ADAMTS6: variants seen among roughly 807,000 people sequenced by gnomAD.
ADAMTS6 encodes A disintegrin and metalloproteinase with thrombospondin motifs 6.
A neutral mutation model predicts 144.3 loss-of-function variants in ADAMTS6; 23 were observed. That is an observed-to-expected ratio of 0.16 (90% CI 0.11 to 0.23). The LOEUF (loss-of-function observed/expected upper bound fraction) is 0.23, where lower values mean the gene tolerates loss of function less well. Among genes scored for constraint, ADAMTS6 ranks in the 10% least tolerant of loss-of-function variants. ADAMTS6 has a pLI of 1.00. For synonymous variants in ADAMTS6, 444 were observed against 457.5 expected, an observed-to-expected ratio of 0.97 and a Z score of 0.38; for missense variants, 999 against 1,379.6, an observed-to-expected ratio of 0.72 and a Z score of 4.37.
At chr5:65,298,481 G>T (rs1344344179) in intron 10 of ADAMTS6, among the ~76,000 whole-genome samples, 1 of 152,016 alleles carries the variant, frequency 6.6e-6, no homozygotes, top group Non-Finnish European at 1.5e-5. Flanking sequence ...AGGGAGAGCG[G>T]ATCTTCAAAA....
intron 9 of ADAMTS6, among the ~76,000 whole-genome samples, chr5:65,316,811 T>C (rs955268346): frequency 6.6e-6 from 1 of 152,036 alleles, no homozygotes; most frequent in African/African-American, 2.4e-5. Flanking sequence ...AATAATCATT[T>C]TTTTTTTTGA....
chr5:65,319,265 A>G (rs1168640022), intron 9 of ADAMTS6, among the ~76,000 whole-genome samples: 1 of 152,180 alleles, frequency 6.6e-6, no homozygotes, highest in African/African-American at 2.4e-5. Context: ...TTTATGAAAG[A>G]AGAGATGTCC....
intron 7 of ADAMTS6, among the ~76,000 whole-genome samples, chr5:65,408,314 C>A (rs1754748348): frequency 1.3e-5 from 2 of 151,890 alleles, no homozygotes; most frequent in South Asian, 4.1e-4. Context: ...ATCTACCAAG[C>A]AAATGGAAAA....
chr5:65,253,991 C>T (rs1026007207), intron 14 of ADAMTS6, among the ~76,000 whole-genome samples: 10 of 151,576 alleles, frequency 6.6e-5, no homozygotes, highest in Admixed American at 2.0e-4. Flanking sequence ...ACTACAGGCA[C>T]GCACCACCAT....
intron 7 of ADAMTS6, among the ~76,000 whole-genome samples, chr5:65,399,604 C>G (rs572788320): frequency 6.6e-6 from 1 of 152,140 alleles, no homozygotes; most frequent in East Asian, 1.9e-4. Context: ...TCAAATAAAA[C>G]TATACTGCTT....
At chr5:65,449,889 G>A (rs1758600528) in intron 7 of ADAMTS6, among the ~76,000 whole-genome samples, 1 of 152,086 alleles carries the variant, frequency 6.6e-6, no homozygotes, top group Admixed American at 6.5e-5. Flanking sequence ...GAGGCAAAAG[G>A]TAAAAATCCA....
chr5:65,407,514 G>A (rs1272408879), intron 7 of ADAMTS6, among the ~76,000 whole-genome samples: 1 of 109,260 alleles, frequency 9.2e-6, no homozygotes, highest in Non-Finnish European at 1.7e-5. Flanking sequence ...ACAGTCCCCG[G>A]TGTGTGATGT....
chr5:65,371,725 A>C (rs57379636), intron 7 of ADAMTS6, among the ~76,000 whole-genome samples: 18,224 of 151,978 alleles, frequency 0.12, 1,215 homozygotes, highest in African/African-American at 0.18. Context: ...GAACTTCCCC[A>C]ATCTAGCAAG....
chr5:65,325,859 A>T lies in ADAMTS6; in HGVS notation c.1223+3519T>A, dbSNP rs112033314. ...AAAGTTCACTCAATCATGATTAATA[A>T]ATGAGTTAAGCCACACCTAAACAAT... On this transcript the variant is annotated intron_variant, in intron 9 of 24. Transcript: ENST00000381055. 3.6e-3 allele frequency among the ~76,000 whole-genome samples: 545 copies of T among 152,258 alleles called. 3 individuals carry two copies. The highest frequency in any genetic ancestry group is 0.014 in the Middle Eastern group (4 of 294).
chr5:65,349,956 T>C (rs1008420318), intron 7 of ADAMTS6, among the ~76,000 whole-genome samples: 4 of 152,186 alleles, frequency 2.6e-5, no homozygotes, highest in Non-Finnish European at 5.9e-5. Flanking sequence ...TAACTTTAAT[T>C]ACATTACTTC....
At chr5:65,164,273 C>T (rs1468132036) in intron 24 of ADAMTS6, among the ~76,000 whole-genome samples, 7 of 151,842 alleles carry the variant, frequency 4.6e-5, no homozygotes, top group East Asian at 1.9e-4. Context: ...GGGTGATGGA[C>T]GCAGCTGGAA....
At position 65,157,776 on chromosome 5, in the gene ADAMTS6, C is replaced by T. The variant is rs1033001329; in HGVS notation, c.3245-5831G>A. ...GGAATGTGAACTCAGTGTACTTCTC[C>T]TAATAAAGTTGTACTTGACCCCTTG... is the stretch of plus-strand genomic sequence containing the variant. On this transcript the variant is annotated intron_variant, in intron 24 of 24. Transcript: ENST00000381055. 1.3e-4 allele frequency among the ~76,000 whole-genome samples: 20 copies of T among 152,272 alleles called. No individual in the cohort carries two copies. In the East Asian group the frequency reaches 2.9e-3, roughly 22 times the overall value.
At chr5:65,257,290 C>T (rs145115822) in intron 14 of ADAMTS6, among the ~76,000 whole-genome samples, 1 of 152,230 alleles carries the variant, frequency 6.6e-6, no homozygotes, top group Non-Finnish European at 1.5e-5. Flanking sequence ...TAGGCACACA[C>T]TCCCATGGCC....
chr5:65,384,334 G>A (rs945814648), intron 7 of ADAMTS6, among the ~76,000 whole-genome samples: 3 of 152,114 alleles, frequency 2.0e-5, no homozygotes, highest in Non-Finnish European at 2.9e-5. Context: ...ACTATAAGGA[G>A]TCAAGAGAAA....
chr5:65,236,366 T>C (rs769778329), intron 15 of ADAMTS6, among the ~76,000 whole-genome samples: 2 of 152,154 alleles, frequency 1.3e-5, no homozygotes, highest in African/African-American at 2.4e-5. Flanking sequence ...TAGCTCACTG[T>C]AGCCTCCACT....
chr5:65,366,879 A>C (rs1320721257), intron 7 of ADAMTS6, among the ~76,000 whole-genome samples: 1 of 152,194 alleles, frequency 6.6e-6, no homozygotes, highest in African/African-American at 2.4e-5. Context: ...AAAGGCCAAA[A>C]GAAAATAAAT....
At chr5:65,230,976 A>G (rs1445957116) in intron 15 of ADAMTS6, among the ~76,000 whole-genome samples, 2 of 150,040 alleles carry the variant, frequency 1.3e-5, no homozygotes, top group Non-Finnish European at 3.0e-5. Flanking sequence ...ATAAAGGAAC[A>G]AAAAAAGTCT....
intron 7 of ADAMTS6, among the ~76,000 whole-genome samples, chr5:65,423,218 A>C (rs915580311): frequency 6.6e-6 from 1 of 152,206 alleles, no homozygotes. Flanking sequence ...TATTGGGTGC[A>C]ATATACACTC....
At chr5:65,220,510 C>T (rs536764498) in intron 18 of ADAMTS6, among the ~76,000 whole-genome samples, 7 of 151,860 alleles carry the variant, frequency 4.6e-5, no homozygotes, top group South Asian at 4.2e-4. Context: ...TTTGGGAGGC[C>T]GAAGGGCGGG....
Sources: allele counts gnomAD v4.1 joint callset (sites outside exome capture counted in the v4.1 genomes callset), GRCh38; gene constraint gnomAD v4.1.1; transcripts MANE v1.5; gene names NCBI Gene and HGNC (gene_info 2026-07-23, HGNC 2026-07-21).